Variants in LRP1B observed in about 807,000 individuals in gnomAD.
LRP1B encodes the protein low-density lipoprotein receptor-related protein 1B.
LRP1B carries 217 observed loss-of-function variants against 556.6 expected under a neutral mutation model. The ratio of observed to expected loss-of-function variants is 0.39; its 90% CI spans 0.35 to 0.44. The LOEUF (loss-of-function observed/expected upper bound fraction) is 0.44, where lower values mean the gene tolerates loss of function less well. LRP1B is among the 20% of genes least tolerant of loss of function. LRP1B has a pLI of 1.00. For synonymous variants in LRP1B, 2,047 were observed against 1,865.8 expected (o/e 1.10, Z -2.50); for missense variants, 5,053 against 5,620.8 (o/e 0.90, Z 3.23).
At chr2:140,826,980 A>C (rs1369681333) in intron 31 of LRP1B, among the ~76,000 whole-genome samples, 1 of 152,190 alleles carries the variant, frequency 6.6e-6, no homozygotes, top group Non-Finnish European at 1.5e-5. Flanking sequence ...CTACAGAGCC[A>C]AGGTATCCTC....
chr2:140,564,852 T>C (rs994091903), intron 43 of LRP1B, among the ~76,000 whole-genome samples: 78 of 152,124 alleles, frequency 5.1e-4, no homozygotes, highest in African/African-American at 1.7e-3. Context: ...GTCAGGAGCT[T>C]AAGATATACT....
At chr2:140,656,022 C>G (rs1265570236) in intron 41 of LRP1B, among the ~76,000 whole-genome samples, 1 of 152,074 alleles carries the variant, frequency 6.6e-6, no homozygotes, top group African/African-American at 2.4e-5. Context: ...AAGACACATT[C>G]AAGTGGTTTA....
At chr2:140,586,903 C>T (rs1457203524) in intron 43 of LRP1B, among the ~76,000 whole-genome samples, 1 of 150,218 alleles carries the variant, frequency 6.7e-6, no homozygotes, top group African/African-American at 2.5e-5. Context: ...ACCAAGATGA[C>T]AGGGGTGTAA....
chr2:141,653,543 C>T (rs183836465), intron 2 of LRP1B, among the ~76,000 whole-genome samples: 137 of 152,298 alleles, frequency 9.0e-4, no homozygotes, highest in South Asian at 1.2e-3. Flanking sequence ...TTAGATGTAT[C>T]AATTCTTAGT....
At chr2:140,818,549 G>A (rs1393722283) in intron 31 of LRP1B, among the ~76,000 whole-genome samples, 1 of 152,162 alleles carries the variant, frequency 6.6e-6, no homozygotes, top group Non-Finnish European at 1.5e-5. Context: ...CTCTGATGGA[G>A]GCTAGTTATT....
rs115055567 is a variant in LRP1B at position 141,802,701 on chromosome 2, T to C, written c.205+7578A>G. 6.5e-3 allele frequency among the ~76,000 whole-genome samples: 994 copies of C among 152,260 alleles called. 6 individuals carry two copies. Among genetic ancestry groups the C allele is most frequent in the Middle Eastern group, 0.024 (7 of 294 alleles). ...TTAGTGCTTCATTTAGCAAAATATG[T>C]CATTTTAGAAGCACTTCTGAGTGAA... On this transcript the variant is annotated intron_variant, in intron 2 of 90. Coordinates refer to ENST00000389484, the MANE Select transcript of LRP1B (RefSeq NM_018557.3).
chr2:141,495,723 G>A (rs1031435137), intron 2 of LRP1B, among the ~76,000 whole-genome samples: 4 of 151,580 alleles, frequency 2.6e-5, no homozygotes, highest in African/African-American at 9.7e-5. Flanking sequence ...GTGAGTGCAT[G>A]CACACACACA....
intron 66 of LRP1B, among the ~76,000 whole-genome samples, chr2:140,430,723 T>C (rs1167506959): frequency 6.6e-6 from 1 of 152,188 alleles, no homozygotes; most frequent in Non-Finnish European, 1.5e-5. Context: ...TTTCATAACC[T>C]CTTCCATGTA....
intron 43 of LRP1B, among the ~76,000 whole-genome samples, chr2:140,579,521 C>T (rs1240281219): frequency 6.6e-6 from 1 of 152,062 alleles, no homozygotes; most frequent in Non-Finnish European, 1.5e-5. Context: ...CTTTATCTTG[C>T]CCTTGGAGAG....
At chr2:141,912,401 T>C (rs1037108103) in intron 1 of LRP1B, among the ~76,000 whole-genome samples, 1 of 152,118 alleles carries the variant, frequency 6.6e-6, no homozygotes, top group Non-Finnish European at 1.5e-5. Flanking sequence ...GTTTAGATTA[T>C]CAATAATGAT....
At position 141,396,945 on chromosome 2, in the gene LRP1B, G is replaced by A. The variant is rs184629310; in HGVS notation, c.343+83451C>T. Among the ~76,000 whole-genome samples, 22 of 150,988 alleles carry A rather than the reference G, an allele frequency of 1.5e-4. No individual in the cohort carries two copies. In the East Asian group the frequency reaches 4.1e-3, roughly 28 times the overall value. ...CTGACCAACTTGGAGAAACCCCATCGCTACTAAAACTACAAAAATTAGCCA... is the reference window on the plus strand; with the variant it reads ...CTGACCAACTTGGAGAAACCCCATCACTACTAAAACTACAAAAATTAGCCA... On this transcript the variant is annotated intron_variant, in intron 3 of 90. Coordinates refer to ENST00000389484, the MANE Select transcript of LRP1B (RefSeq NM_018557.3).
At position 141,391,371 on chromosome 2, in the gene LRP1B, T is replaced by C. The variant is rs150539433; in HGVS notation, c.343+89025A>G. ...ATACGTAACCGGAGATTTAAACTTA[T>C]CTACAGAATGTCAGGTTAAGGTAGT... On this transcript the variant is annotated intron_variant, in intron 3 of 90. Transcript: ENST00000389484. Among the ~76,000 whole-genome samples, 254 of 152,268 alleles carry C rather than the reference T, an allele frequency of 1.7e-3. 2 individuals carry two copies. The highest frequency in any genetic ancestry group is 6.0e-3 in the African/African-American group (250 of 41,558).
chr2:141,396,151 T>C (rs1212949771), intron 3 of LRP1B, among the ~76,000 whole-genome samples: 1 of 152,028 alleles, frequency 6.6e-6, no homozygotes, highest in South Asian at 2.1e-4. Context: ...AAGGCAGCTG[T>C]CAAAAAAAAT....
rs185669078 is a variant in LRP1B at position 141,102,088 on chromosome 2, G to A, written c.1014-39815C>T. On this transcript the variant is annotated intron_variant, in intron 7 of 90. Transcript: ENST00000389484. ...ATAGAAATCAAAGCTACATTTTAAC[G>A]GTAGAAATGCCAAAGTTTATGGTTG... Among the ~76,000 whole-genome samples, 479 of 152,168 alleles carry A rather than the reference G, an allele frequency of 3.1e-3. 3 individuals are homozygous for A. The highest frequency in any genetic ancestry group is 5.2e-3 in the Non-Finnish European group (353 of 67,988).
At chr2:140,811,756 T>A (rs1175354962) in intron 32 of LRP1B, among the ~76,000 whole-genome samples, 1 of 152,032 alleles carries the variant, frequency 6.6e-6, no homozygotes, top group Non-Finnish European at 1.5e-5. Flanking sequence ...TTCTGTTTTT[T>A]AAAAAAAGTC....
intron 57 of LRP1B, among the ~76,000 whole-genome samples, chr2:140,491,702 T>G (rs1688707895): frequency 6.6e-6 from 1 of 152,176 alleles, no homozygotes; most frequent in African/African-American, 2.4e-5. Context: ...TTATGTTATT[T>G]ATGTCTTAAA....
intron 7 of LRP1B, chr2:141,167,377 C>G (rs1680315628): frequency 6.6e-6 from 1 of 151,720 alleles, no homozygotes; most frequent in Non-Finnish European, 1.5e-5. Flanking sequence ...TAATTTTATA[C>G]AAATATAGTT....
At position 140,542,071 on chromosome 2, in the gene LRP1B, G is replaced by T. The variant is rs746959724; in HGVS notation, c.7195-100C>A. The T allele has an allele frequency of 5.1e-4, 359 of 699,104 alleles. 1 individual carries two copies. The highest frequency in any genetic ancestry group is 4.0e-4 in the Non-Finnish European group (186 of 460,886). 43.3% of individuals were successfully genotyped at this position (699,104 alleles called of 1,614,324 possible). ...AAAAATAAAAGATTAGGATTAGTTG[G>T]ATTTAATTAACAGAAATCATCAGAT... is the stretch of plus-strand genomic sequence containing the variant. On this transcript the variant is annotated intron_variant, in intron 43 of 90. Coordinates refer to ENST00000389484, the MANE Select transcript of LRP1B (RefSeq NM_018557.3).
chr2:142,040,625 T>G, intron 1 of LRP1B, among the ~76,000 whole-genome samples: 1 of 29,778 alleles, frequency 3.4e-5, no homozygotes, highest in East Asian at 2.1e-3. Flanking sequence ...AGTACTGAGG[T>G]TTTTTTTTTT....
Sources: allele counts gnomAD v4.1 joint callset (sites outside exome capture counted in the v4.1 genomes callset), GRCh38; gene constraint gnomAD v4.1.1; transcripts MANE v1.5; gene names NCBI Gene and HGNC (gene_info 2026-07-23, HGNC 2026-07-21).